Variants in WWOX observed in about 807,000 individuals in gnomAD.
WWOX encodes the protein WW domain containing oxidoreductase.
A neutral mutation model predicts 46.2 loss-of-function variants in WWOX; 69 were observed. That is an observed-to-expected ratio of 1.49 (90% confidence interval 1.23 to 1.82). The LOEUF (loss-of-function observed/expected upper bound fraction) is 1.82. WWOX is among the 40% of genes most tolerant of loss of function. WWOX has a pLI of 0.00. For synonymous variants in WWOX, 359 were observed against 202.6 expected, an observed-to-expected ratio of 1.77 and a Z score of -6.56; for missense variants, 919 against 542.6, an observed-to-expected ratio of 1.69 and a Z score of -6.89.
At chr16:78,532,671 A>G (rs2043650702) in intron 8 of WWOX, among the ~76,000 whole-genome samples, 1 of 152,194 alleles carries the variant, frequency 6.6e-6, no homozygotes, top group Non-Finnish European at 1.5e-5. Flanking sequence ...CAGTGATGGC[A>G]GAAGGTGAAA....
At chr16:79,084,366 GAATA>G (rs1238014630) in intron 8 of WWOX, among the ~76,000 whole-genome samples, 1 of 152,076 alleles carries the variant, frequency 6.6e-6, no homozygotes. Context: ...ATAATACCAG[GAATA>G]AATAATGTAA....
chr16:78,778,803 T>C (rs1347717594), intron 8 of WWOX, among the ~76,000 whole-genome samples: 1 of 152,174 alleles, frequency 6.6e-6, no homozygotes, highest in Admixed American at 6.5e-5. Flanking sequence ...GTCCTTTTCA[T>C]GGAAAGGGAA....
chr16:78,359,617 A>T (rs1409454293), intron 5 of WWOX, among the ~76,000 whole-genome samples: 1 of 152,246 alleles, frequency 6.6e-6, no homozygotes, highest in Non-Finnish European at 1.5e-5. Context: ...TAAAAAATAC[A>T]TTTAACATAC....
intron 6 of WWOX, among the ~76,000 whole-genome samples, chr16:78,422,646 T>G: frequency 7.9e-6 from 1 of 125,954 alleles, no homozygotes; most frequent in African/African-American, 2.9e-5. Flanking sequence ...GTGCCCAGCC[T>G]CCTGTTTTTT....
At chr16:78,598,082 A>G (rs1423621103) in intron 8 of WWOX, among the ~76,000 whole-genome samples, 4 of 152,186 alleles carry the variant, frequency 2.6e-5, no homozygotes. Flanking sequence ...AAGCATGAAG[A>G]TTTTAGTCAA....
Position 79,159,688 on chromosome 16 carries a change from C to T in WWOX, c.1057-51920C>T, listed in dbSNP as rs117473650. Among the ~76,000 whole-genome samples the T allele has an allele frequency of 2.0e-5, 3 of 152,276 alleles. No individual in the cohort carries two copies. In the East Asian group the frequency reaches 5.8e-4, roughly 29 times the overall value. On this transcript the variant is annotated intron_variant, in intron 8 of 8. Coordinates refer to ENST00000566780, the MANE Select transcript of WWOX (RefSeq NM_016373.4). Reference sequence around the variant, plus strand: ...ATATTTAACAAGCCACTGAGCAGAACAGGGGGAAAGATAGCAGGCAGTATT... The same window carrying T: ...ATATTTAACAAGCCACTGAGCAGAATAGGGGGAAAGATAGCAGGCAGTATT...
intron 8 of WWOX, among the ~76,000 whole-genome samples, chr16:78,957,995 C>T (rs1039172574): frequency 1.3e-5 from 2 of 152,178 alleles, no homozygotes; most frequent in African/African-American, 2.4e-5. Context: ...TTATTTAATG[C>T]GTTTCTACAT....
chr16:78,314,688 GTTTTTTTTTTTTGTTTTT>G (rs2080320742), intron 5 of WWOX, among the ~76,000 whole-genome samples: 1 of 90,486 alleles, frequency 1.1e-5, no homozygotes, highest in Admixed American at 1.3e-4. Flanking sequence ...CCCTGCAGGG[GTTTTTTTTTTTTGTTTTT>G]TTTTTTTTTT....
rs528935249 is a variant in WWOX at position 78,467,453 on chromosome 16, C to G, written c.1056+34701C>G. 5.3e-5 allele frequency among the ~76,000 whole-genome samples: 8 copies of G among 152,242 alleles called. No homozygotes were observed. The South Asian group carries it at 1.7e-3, about 32-fold the overall frequency. On this transcript the variant is annotated intron_variant, in intron 8 of 8. Coordinates refer to ENST00000566780, the MANE Select transcript of WWOX (RefSeq NM_016373.4). Reference sequence around the variant, plus strand: ...AGTAGATTAAAACAGAAATTAAAGACTGTAGACTAAGGCAGGATCAAAGGA... The same window carrying G: ...AGTAGATTAAAACAGAAATTAAAGAGTGTAGACTAAGGCAGGATCAAAGGA...
At chr16:78,608,148 C>T (rs771274062) in intron 8 of WWOX, among the ~76,000 whole-genome samples, 14 of 152,078 alleles carry the variant, frequency 9.2e-5, no homozygotes, top group Non-Finnish European at 1.8e-4. Flanking sequence ...CCAGAGAGGT[C>T]GTACGTTGAC....
At chr16:78,393,543 T>C (rs2082221549) in intron 6 of WWOX, among the ~76,000 whole-genome samples, 1 of 152,138 alleles carries the variant, frequency 6.6e-6, no homozygotes, top group Admixed American at 6.6e-5. Context: ...AAGTCCCTGA[T>C]AAAATAGAGA....
At chr16:78,638,199 T>C (rs2046620523) in intron 8 of WWOX, among the ~76,000 whole-genome samples, 1 of 152,174 alleles carries the variant, frequency 6.6e-6, no homozygotes, top group Non-Finnish European at 1.5e-5. Flanking sequence ...GAATGCTCGA[T>C]TTGTATTCCC....
chr16:78,820,992 C>G (rs1021061889), intron 8 of WWOX, among the ~76,000 whole-genome samples: 2 of 152,174 alleles, frequency 1.3e-5, no homozygotes, highest in African/African-American at 2.4e-5. Flanking sequence ...TAGGACCCAC[C>G]TAATTGAGTA....
At chr16:79,008,890 AGC>A (rs10537998) in intron 8 of WWOX, among the ~76,000 whole-genome samples, 97,894 of 151,990 alleles carry the variant, frequency 0.64, 33,378 homozygotes, top group East Asian at 0.87. Context: ...TATAATGAGC[AGC>A]GCACACACAC....
chr16:78,714,727 G>C (rs1597481819), intron 8 of WWOX, among the ~76,000 whole-genome samples: 2 of 152,152 alleles, frequency 1.3e-5, no homozygotes, highest in African/African-American at 2.4e-5. Context: ...AACTTGGGCG[G>C]AATAAATGAA....
intron 8 of WWOX, among the ~76,000 whole-genome samples, chr16:78,864,889 A>C (rs1483661147): frequency 6.7e-6 from 1 of 148,260 alleles, no homozygotes; most frequent in African/African-American, 2.5e-5. Flanking sequence ...CAGCCCCCCG[A>C]GTAGCTGGGA....
intron 8 of WWOX, among the ~76,000 whole-genome samples, chr16:78,537,883 G>C (rs934362074): frequency 6.6e-6 from 1 of 152,150 alleles, no homozygotes; most frequent in African/African-American, 2.4e-5. Flanking sequence ...GGCCTTCTCC[G>C]GAAGGTTGTC....
chr16:78,576,271 T>G (rs2044877555), intron 8 of WWOX, among the ~76,000 whole-genome samples: 1 of 152,206 alleles, frequency 6.6e-6, no homozygotes, highest in Non-Finnish European at 1.5e-5. Flanking sequence ...CTACAACAAA[T>G]AATGCATCTG....
chr16:78,821,821 C>G lies in WWOX; in HGVS notation c.1056+389069C>G, dbSNP rs146500367. Among the ~76,000 whole-genome samples, 13 of 152,294 alleles carry G rather than the reference C, an allele frequency of 8.5e-5. No homozygotes were observed. In the East Asian group the frequency reaches 2.5e-3, roughly 29 times the overall value. On this transcript the variant is annotated intron_variant, in intron 8 of 8. Transcript: ENST00000566780. ...TAGTCAGCAAATACCATCGTAGATT[C>G]AGGCTTCTGAGTCCAAAGCTAACAA...
Sources: allele counts gnomAD v4.1 joint callset (sites outside exome capture counted in the v4.1 genomes callset), GRCh38; gene constraint gnomAD v4.1.1; transcripts MANE v1.5; gene names NCBI Gene and HGNC (gene_info 2026-07-23, HGNC 2026-07-21).